Variants in PTPRN2 observed in about 807,000 individuals in gnomAD.
PTPRN2 encodes receptor-type tyrosine-protein phosphatase N2.
In PTPRN2, 74 loss-of-function variants were observed where a neutral mutation model predicts 118.8. The ratio of observed to expected loss-of-function variants is 0.62; its 90% CI spans 0.52 to 0.76. The LOEUF is 0.76. Ranked by LOEUF, PTPRN2 falls within the 30% of genes least tolerant of loss-of-function variation. The pLI is 0.00. For synonymous variants in PTPRN2, 641 were observed against 608.0 expected (o/e 1.05, Z -0.80); for missense variants, 1,481 against 1,394.4 (o/e 1.06, Z -0.99).
At position 158,066,904 on chromosome 7, in the gene PTPRN2, G is replaced by A. The variant is rs118026940; in HGVS notation, c.1723+14394C>T. On this transcript the variant is annotated intron_variant, in intron 11 of 22. Transcript: ENST00000389418. ...CAGTGGGGCCCTAGGCCTGTCAAGC[G>A]GGAAATAAAGACGAAATCTTAAGCA... Among the ~76,000 whole-genome samples the A allele has an allele frequency of 4.4e-4, 67 of 152,154 alleles. No individual in the cohort carries two copies. The Middle Eastern group carries it at 0.01, about 23-fold the overall frequency.
rs866936748 is a variant in PTPRN2 at position 157,560,420 on chromosome 7, C to T, written c.2902+8482G>A. On this transcript the variant is annotated intron_variant, in intron 21 of 22. Coordinates refer to ENST00000389418, the MANE Select transcript of PTPRN2 (RefSeq NM_002847.5). This position sits in a 1 kb window ranked among gnomAD's most constrained non-coding sequence, Gnocchi z 6.7. ...TGTCCACACGCTCCCACCAGGCGAT[C>T]GACACCAGGGTCCGCCTGTGCCCTG... Among the ~76,000 whole-genome samples, 71 of 152,178 alleles carry T rather than the reference C, an allele frequency of 4.7e-4. No homozygotes were observed. The highest frequency in any genetic ancestry group is 9.2e-4 in the African/African-American group (38 of 41,442).
intron 12 of PTPRN2, among the ~76,000 whole-genome samples, chr7:157,751,523 C>T (rs1030659742): frequency 1.3e-5 from 2 of 152,142 alleles, no homozygotes; most frequent in African/African-American, 2.4e-5. Flanking sequence ...GGAGTGCGCT[C>T]GCTCGGGAGG....
chr7:158,013,087 T>G (rs1321476931), intron 11 of PTPRN2, among the ~76,000 whole-genome samples: 2 of 152,174 alleles, frequency 1.3e-5, no homozygotes, highest in African/African-American at 2.4e-5. Flanking sequence ...GTAAGGCCAG[T>G]GAACACCTGT....
chr7:157,951,325 C>T (rs138796779), intron 11 of PTPRN2, among the ~76,000 whole-genome samples: 250 of 152,296 alleles, frequency 1.6e-3, no homozygotes, highest in African/African-American at 5.6e-3. Context: ...AAAGGACACT[C>T]ACAACAATTA....
chr7:158,137,131 T>A (rs1348904167), intron 7 of PTPRN2, among the ~76,000 whole-genome samples: 1 of 152,140 alleles, frequency 6.6e-6, no homozygotes, highest in African/African-American at 2.4e-5. Flanking sequence ...TCTAAATAGG[T>A]ACCCCGGCTG....
rs2150555940 is a variant in PTPRN2, at chr7:157,591,544, G to A, written c.2496+3694C>T. 6.6e-6 allele frequency among the ~76,000 whole-genome samples: 1 copy of A among 152,370 alleles called. No individual in the cohort carries two copies. The highest frequency in any genetic ancestry group is 1.5e-5 in the Non-Finnish European group (1 of 68,034). On this transcript the variant is annotated intron_variant, in intron 17 of 22. Transcript: ENST00000389418. This position sits in a 1 kb window ranked among gnomAD's most constrained non-coding sequence, Gnocchi z 4.4. ...AAAAATACACGTTACCGTGGGTTTG[G>A]AAAAGTTCTGCCTTCCGTGGGAGGT...
intron 1 of PTPRN2, among the ~76,000 whole-genome samples, chr7:158,504,136 C>T (rs1480457689): frequency 6.6e-6 from 1 of 152,124 alleles, no homozygotes; most frequent in Admixed American, 6.5e-5. Context: ...TTTTGGTTTT[C>T]AGCTACTTTT....
In PTPRN2 at chr7:158,563,446, G is replaced by A. The variant is rs1827502616; in HGVS notation, c.112+24112C>T. Among the ~76,000 whole-genome samples, 1 of 152,214 alleles carries A rather than the reference G, an allele frequency of 6.6e-6. No homozygotes were observed. Among genetic ancestry groups the A allele is most frequent in the Admixed American group, 6.5e-5 (1 of 15,278 alleles). The stretch of plus-strand genomic sequence containing the variant: ...TGATGTCTCATAATATGAAGTTTGG[G>A]TGAGGCGGTGCCAAAACCCAGCTGG... On this transcript the variant is annotated intron_variant, in intron 1 of 22. Transcript: ENST00000389418. The surrounding 1 kb of genome is among the most constrained non-coding windows in gnomAD (Gnocchi z 5.1).
At chr7:157,692,984 C>T (rs1254384979) in intron 12 of PTPRN2, among the ~76,000 whole-genome samples, 1 of 152,072 alleles carries the variant, frequency 6.6e-6, no homozygotes, top group Non-Finnish European at 1.5e-5. Flanking sequence ...CCGCCACCCT[C>T]CTCCGGTGCC....
chr7:158,342,032 CCAT>C (rs1478508152), intron 2 of PTPRN2, among the ~76,000 whole-genome samples: 16 of 147,584 alleles, frequency 1.1e-4, no homozygotes, highest in Admixed American at 1.3e-4. Context: ...CACACTCTCA[CCAT>C]AAGAGCTGAC....
chr7:157,557,304 C>A (rs1007663004), intron 21 of PTPRN2, among the ~76,000 whole-genome samples: 3 of 151,490 alleles, frequency 2.0e-5, no homozygotes, highest in African/African-American at 7.3e-5. Flanking sequence ...AACACCCACA[C>A]TTCACACTCT....
At chr7:157,670,124 G>A (rs1175522707) in intron 13 of PTPRN2, among the ~76,000 whole-genome samples, 3 of 152,198 alleles carry the variant, frequency 2.0e-5, no homozygotes, top group African/African-American at 4.8e-5. Context: ...TCGAGCCCCC[G>A]CCGGCCGACA....
chr7:158,312,213 C>T (rs1801842608), intron 3 of PTPRN2, among the ~76,000 whole-genome samples: 1 of 141,008 alleles, frequency 7.1e-6, no homozygotes, highest in Non-Finnish European at 1.5e-5. Flanking sequence ...TGCACACACA[C>T]GTGCTCACAG....
intron 3 of PTPRN2, among the ~76,000 whole-genome samples, chr7:158,248,869 A>C (rs1352637891): frequency 9.6e-5 from 1 of 10,422 alleles, no homozygotes; most frequent in African/African-American, 5.7e-4. Flanking sequence ...TGCACACACC[A>C]CACATATGCA....
At chr7:158,432,616 C>T (rs1369007913) in intron 2 of PTPRN2, among the ~76,000 whole-genome samples, 1 of 152,198 alleles carries the variant, frequency 6.6e-6, no homozygotes, top group East Asian at 1.9e-4. Context: ...AAACAAACAA[C>T]AGCTATTAGA....
chr7:158,482,867 G>A (rs570439552), intron 2 of PTPRN2, among the ~76,000 whole-genome samples: 1 of 152,282 alleles, frequency 6.6e-6, no homozygotes, highest in East Asian at 1.9e-4. Context: ...TCAAAATATG[G>A]CAGGGTGGCC....
intron 2 of PTPRN2, among the ~76,000 whole-genome samples, chr7:158,326,449 T>C (rs1461894173): frequency 2.0e-5 from 3 of 152,226 alleles, no homozygotes; most frequent in Non-Finnish European, 4.4e-5. Flanking sequence ...AATGCACACT[T>C]GTACACGTGT....
rs1250650505 is a variant in PTPRN2, at chr7:157,585,370, C to T, written c.2497-7230G>A. On this transcript the variant is annotated intron_variant, in intron 17 of 22. Coordinates refer to ENST00000389418, the MANE Select transcript of PTPRN2 (RefSeq NM_002847.5). This position sits in a 1 kb window ranked among gnomAD's most constrained non-coding sequence, Gnocchi z 5.2. ...TGAGGACTTGCCACTCCACCAAAGT[C>T]GGGTCTGTGTTCTCCGGGAAGGACT... Among the ~76,000 whole-genome samples, 2 of 152,172 alleles carry T rather than the reference C, an allele frequency of 1.3e-5. No homozygotes were observed. Among genetic ancestry groups the T allele is most frequent in the East Asian group, 3.9e-4 (2 of 5,194 alleles).
chr7:158,518,779 G>T (rs1314271168), intron 1 of PTPRN2, among the ~76,000 whole-genome samples: 1 of 152,156 alleles, frequency 6.6e-6, no homozygotes, highest in Non-Finnish European at 1.5e-5. Flanking sequence ...GAGCTCAGGA[G>T]TTCAAGACCA....
Sources: allele counts gnomAD v4.1 joint callset (sites outside exome capture counted in the v4.1 genomes callset), GRCh38; gene constraint gnomAD v4.1.1; non-coding constraint Gnocchi (gnomAD v3.1); transcripts MANE v1.5; gene names NCBI Gene and HGNC (gene_info 2026-07-23, HGNC 2026-07-21).